WDR19: variants seen among roughly 807,000 people sequenced by gnomAD.
The protein encoded by WDR19 is WD repeat-containing protein 19.
In WDR19, 121 loss-of-function variants were observed where a neutral mutation model predicts 180.0. The observed-to-expected ratio is 0.67, with a 90% CI of 0.58 to 0.78. The LOEUF is 0.78. Ranked by LOEUF, WDR19 falls within the 30% of genes least tolerant of loss-of-function variation. The pLI, the probability that WDR19 is intolerant of heterozygous loss-of-function variation, is 0.00. For synonymous variants in WDR19, 497 were observed against 540.7 expected, an observed-to-expected ratio of 0.92 and a Z score of 1.12; for missense variants, 1,450 against 1,640.7, an observed-to-expected ratio of 0.88 and a Z score of 2.01.
intron 20 of WDR19, among the ~76,000 whole-genome samples, chr4:39,239,783 G>A (rs967922240): frequency 5.9e-5 from 9 of 152,178 alleles, no homozygotes; most frequent in African/African-American, 1.7e-4. Context: ...CATAATGACA[G>A]ACTGCACTTT....
At position 39,205,611 on chromosome 4, in the gene WDR19, G is replaced by C. The variant is rs750446561; in HGVS notation, c.765G>C (p.Val255=). 51 of 1,613,136 alleles carry C rather than the reference G, an allele frequency of 3.2e-5. No homozygotes were observed. Among genetic ancestry groups the C allele is most frequent in the Admixed American group, 2.2e-4 (13 of 59,884 alleles). ...IMIGFSCGHF[V]VISTHTGELG... Reference sequence around the variant, plus strand: ...TTGGTTTTTCATGTGGACATTTTGTGGTCATTTCTACTCATACTGGAGAGC... The same window carrying C: ...TTGGTTTTTCATGTGGACATTTTGTCGTCATTTCTACTCATACTGGAGAGC... The change falls in exon 9 of 37, where the codon GTG becomes GTC. Residue 255 remains valine, a synonymous_variant. Transcript: ENST00000399820.
rs146963697 is a variant in WDR19 at position 39,190,769 on chromosome 4, T to C, written c.290+988T>C. ...GAAGATACTGTCTACCAATGTAAAG[T>C]CTTCCTGAGTCTAAGAACCTTCATT... On this transcript the variant is annotated intron_variant, in intron 4 of 36. Coordinates refer to ENST00000399820, the MANE Select transcript of WDR19 (RefSeq NM_025132.4). 5.1e-3 allele frequency among the ~76,000 whole-genome samples: 770 copies of C among 152,320 alleles called. 3 individuals carry two copies. The highest frequency in any genetic ancestry group is 0.017 in the African/African-American group (712 of 41,566).
At chr4:39,223,604 T>A (rs1197425234) in intron 14 of WDR19, among the ~76,000 whole-genome samples, 1 of 151,918 alleles carries the variant, frequency 6.6e-6, no homozygotes, top group African/African-American at 2.4e-5. Flanking sequence ...GGCCTCCCAA[T>A]GTGCTGGGAT....
rs756519107 is a variant in WDR19, at chr4:39,277,106, C to G, written c.3803C>G (p.Pro1268Arg). ...FLLPECELLC[P>R]GCKNSIPYCI... Reference sequence around the variant, plus strand: ...CTCCCAGAGTGTGAACTCCTCTGTCCTGGATGTAAAAACAGTATCCCATAT... The same window carrying G: ...CTCCCAGAGTGTGAACTCCTCTGTCGTGGATGTAAAAACAGTATCCCATAT... The change falls in exon 34 of 37, where the codon CCT becomes CGT. Residue 1268 changes from proline to arginine, a missense_variant. Physicochemically the swap from Pro to Arg is moderately radical, Grantham distance 103. Transcript: ENST00000399820. 29 of 1,613,620 alleles carry G rather than the reference C, an allele frequency of 1.8e-5. No homozygotes were observed. The highest frequency in any genetic ancestry group is 2.5e-5 in the Non-Finnish European group (29 of 1,179,738).
At chr4:39,266,678 A>G (rs1051642226) in intron 29 of WDR19, among the ~76,000 whole-genome samples, 2 of 152,270 alleles carry the variant, frequency 1.3e-5, no homozygotes, top group Admixed American at 6.5e-5. Context: ...TGTTGCAACT[A>G]TGACCTAGCA....
chr4:39,224,767 C>A, intron 14 of WDR19, 117 bp from the exon 15 acceptor site: 1 of 938,004 alleles, frequency 1.1e-6, no homozygotes, highest in Non-Finnish European at 1.5e-6. Flanking sequence ...GATACTTCAT[C>A]AAAAACATGA....
chr4:39,184,154 C>T (rs1294661937), intron 1 of WDR19, among the ~76,000 whole-genome samples: 2 of 152,156 alleles, frequency 1.3e-5, no homozygotes, highest in African/African-American at 4.8e-5. Context: ...CGCCTGTAAT[C>T]CCAGCACTTT....
intron 21 of WDR19, among the ~76,000 whole-genome samples, chr4:39,241,902 A>G (rs1731996518): frequency 6.6e-6 from 1 of 151,438 alleles, no homozygotes; most frequent in Non-Finnish European, 1.5e-5. Flanking sequence ...ATTTTCTTCC[A>G]GAAGCTCTTC....
chr4:39,226,152 A>C (rs944767874), intron 15 of WDR19, among the ~76,000 whole-genome samples: 1 of 144,870 alleles, frequency 6.9e-6, no homozygotes, highest in African/African-American at 2.6e-5. Context: ...AGAATATACA[A>C]GAGAGTAGGA....
At chr4:39,226,694 A>G (rs1730298266) in intron 15 of WDR19, among the ~76,000 whole-genome samples, 2 of 152,216 alleles carry the variant, frequency 1.3e-5, no homozygotes, top group African/African-American at 4.8e-5. Context: ...TCTGTCTTCT[A>G]GAGTATAAGG....
At position 39,218,094 on chromosome 4, in the gene WDR19, T is replaced by C. The variant is rs761729644; in HGVS notation, c.1468T>C (p.Tyr490His). The part of the protein sequence containing the change: ...CHALTSDFLI[Y>H]GTDTGVVQYF... Reference sequence around the variant, plus strand: ...TGCCTTAACTAGTGATTTCCTCATCTATGGTACAGATGTATGTATTGCCTT... The same window carrying C: ...TGCCTTAACTAGTGATTTCCTCATCCATGGTACAGATGTATGTATTGCCTT... Residue 490 changes from tyrosine to histidine, a missense_variant, in exon 14 of 37, where the codon TAT (tyrosine) becomes CAT (histidine). Physicochemically the swap from Tyr to His is moderately conservative, Grantham distance 83. Coordinates refer to ENST00000399820, the MANE Select transcript of WDR19 (RefSeq NM_025132.4). 6.2e-7 allele frequency: 1 copy of C among 1,613,906 alleles called. No individual in the cohort carries two copies. The highest frequency in any genetic ancestry group is 8.5e-7 in the Non-Finnish European group (1 of 1,179,806).
At position 39,228,769 on chromosome 4, in the gene WDR19, C is replaced by T. The variant is rs527703194; in HGVS notation, c.1982+79C>T. On this transcript the variant is annotated intron_variant, in intron 17 of 36. Coordinates refer to ENST00000399820, the MANE Select transcript of WDR19 (RefSeq NM_025132.4). ...AGGTCAAATCCTATAATTATTCTAT[C>T]TTATTTTATTGCTTTATTCTTTATC... 8.3e-5 allele frequency: 115 copies of T among 1,380,768 alleles called. 2 individuals carry two copies. The East Asian group carries it at 2.4e-3, about 29-fold the overall frequency. The allele number at this position is 1,380,768 out of a possible 1,614,324, so 85.5% of individuals were successfully genotyped here. A position where few individuals can be genotyped will look rare whatever the true frequency, so the allele number is the denominator to read the frequency against.
Position 39,214,628 on chromosome 4 carries a change from A to G in WDR19, c.918A>G (p.Leu306=). 6.3e-7 allele frequency: 1 copy of G among 1,580,648 alleles called. No homozygotes were observed. Residue 306 remains leucine, a synonymous_variant, in exon 10 of 37, where the codon TTA becomes TTG. Transcript: ENST00000399820. ...NCIKIQDLVD[L]KDMYVILNLD... is the part of the protein sequence containing the mutation. ...TTAAAATCCAAGACTTGGTTGACTTAAAAGACATGTATGTTATACTCAACC... is the reference window on the plus strand; with the variant it reads ...TTAAAATCCAAGACTTGGTTGACTTGAAAGACATGTATGTTATACTCAACC...
rs1732298984 is a variant in WDR19, at chr4:39,244,486, C to T, written c.2579C>T (p.Ala860Val). The change falls in exon 23 of 37, where the codon GCC (alanine) becomes GTC (valine). Residue 860 changes from alanine (A) to valine (V), a missense_variant. Ala to Val is a moderately conservative substitution (Grantham distance 64). Coordinates refer to ENST00000399820, the MANE Select transcript of WDR19 (RefSeq NM_025132.4). ...TTATTTTAGCAATTTTCAGAAGCGG[C>T]CCAACTGTATGAAAAAGGTCTCTAC... ...LENMKQFSEA[A>V]QLYEKGLYYD... is the part of the protein sequence containing the mutation. 6.2e-7 allele frequency: 1 copy of T among 1,613,818 alleles called. No homozygotes were observed. The highest frequency in any genetic ancestry group is 1.7e-5 in the Admixed American group (1 of 60,006).
In WDR19 at chr4:39,233,610, TATTA is replaced by T. The variant is rs1186321194; in HGVS notation, c.2254-1152_2254-1149del. On this transcript the variant is annotated intron_variant, in intron 19 of 36. Coordinates refer to ENST00000399820, the MANE Select transcript of WDR19 (RefSeq NM_025132.4). ...AAGAGCTTGTTTTGGGAGCGTTTGT[TATTA>T]ATTTTACAACTTTCCTTTTACAAAT... Among the ~76,000 whole-genome samples the T allele has an allele frequency of 3.3e-5, 5 of 152,242 alleles. No homozygotes were observed. In the South Asian group the frequency reaches 1.0e-3, roughly 31 times the overall value.
At chr4:39,250,567 G>A (rs1199523384) in intron 24 of WDR19, among the ~76,000 whole-genome samples, 2 of 152,150 alleles carry the variant, frequency 1.3e-5, no homozygotes, top group African/African-American at 4.8e-5. Flanking sequence ...AAGTCAAATT[G>A]TCCCTGTTTG....
At chr4:39,240,462 TAAC>T (rs967956175) in intron 21 of WDR19, 128 bp downstream of exon 21, 2 of 429,394 alleles carry the variant, frequency 4.7e-6, no homozygotes, top group African/African-American at 4.1e-5. Flanking sequence ...TTTGGTTTAC[TAAC>T]AACCTTGCAA....
rs532046164 is a variant in WDR19, at chr4:39,260,370, C to T, written c.3183+2816C>T. On this transcript the variant is annotated intron_variant, in intron 28 of 36. Coordinates refer to ENST00000399820, the MANE Select transcript of WDR19 (RefSeq NM_025132.4). ...TTTTTTTTTTTGAGACAGAGTCTCACTTTGTCACCCAGGCTGGAGTTCAGT... is the reference window on the plus strand; with the variant it reads ...TTTTTTTTTTTGAGACAGAGTCTCATTTTGTCACCCAGGCTGGAGTTCAGT... 4.7e-5 allele frequency among the ~76,000 whole-genome samples: 6 copies of T among 128,252 alleles called. No homozygotes were observed. In the East Asian group the frequency reaches 1.2e-3, roughly 25 times the overall value. The allele number at this position is 128,252 out of a possible 152,430, so 84.1% of individuals were successfully genotyped here.
intron 5 of WDR19, among the ~76,000 whole-genome samples, chr4:39,196,822 T>C (rs1216068211): frequency 2.0e-5 from 3 of 152,178 alleles, no homozygotes; most frequent in African/African-American, 7.2e-5. Context: ...TGTTCTTCCC[T>C]CCTCATTTGT....
Sources: gnomAD v4.1 joint callset for allele counts (sites outside exome capture counted in the v4.1 genomes callset) on GRCh38, gnomAD v4.1.1 for gene constraint, MANE v1.5 for transcripts, NCBI Gene and HGNC (gene_info 2026-07-23, HGNC 2026-07-21) for gene names.